POLE2: variants seen among roughly 807,000 people sequenced by gnomAD.
The protein encoded by POLE2 is DNA polymerase epsilon subunit 2.
Under a neutral mutation model 79.4 loss-of-function variants are expected in POLE2, and 56 were observed. That is an observed-to-expected ratio of 0.71 (90% CI 0.57 to 0.88). The LOEUF (loss-of-function observed/expected upper bound fraction) is 0.88, where lower values mean the gene tolerates loss of function less well. Among genes scored for constraint, POLE2 ranks in the 40% least tolerant of loss-of-function variants. POLE2 has a pLI of 0.00. For missense variants in POLE2, 598 were observed against 638.9 expected, an observed-to-expected ratio of 0.94 and a Z score of 0.69; for synonymous variants, 212 against 214.0, an observed-to-expected ratio of 0.99 and a Z score of 0.08.
At chr14:49,650,210 A>T (rs749362064) in intron 17 of POLE2, 55 bp downstream of exon 17, 1 of 916,512 alleles carries the variant, frequency 1.1e-6, no homozygotes, top group South Asian at 3.0e-5. Flanking sequence ...TTAAATTAAA[A>T]AATGCACTCT....
intron 6 of POLE2, among the ~76,000 whole-genome samples, chr14:49,668,969 G>T (rs1885683922): frequency 1.3e-5 from 2 of 152,156 alleles, no homozygotes; most frequent in South Asian, 4.2e-4. Flanking sequence ...CCTGGCTAAT[G>T]TTTTTTATTG....
intron 2 of POLE2, among the ~76,000 whole-genome samples, chr14:49,680,055 A>G: frequency 6.6e-6 from 1 of 152,238 alleles, no homozygotes; most frequent in Non-Finnish European, 1.5e-5. Flanking sequence ...GTTTAGTTAT[A>G]AGAACATTTC....
chr14:49,675,740 A>T (rs190029390), intron 3 of POLE2, among the ~76,000 whole-genome samples: 1 of 142,422 alleles, frequency 7.0e-6, no homozygotes, highest in African/African-American at 2.6e-5. Context: ...CAATTTTAAA[A>T]ATCTAAAATG....
At chr14:49,670,865 A>G (rs1446571199) in intron 5 of POLE2, among the ~76,000 whole-genome samples, 1 of 152,226 alleles carries the variant, frequency 6.6e-6, no homozygotes, top group Non-Finnish European at 1.5e-5. Context: ...AGACTTCATA[A>G]TACAAGCTAA....
At position 49,650,371 on chromosome 14, in the gene POLE2, G is replaced by T; in HGVS notation, c.1391C>A (p.Ala464Glu). The T allele has an allele frequency of 6.2e-7, 1 of 1,605,966 alleles. No individual in the cohort carries two copies. The highest frequency in any genetic ancestry group is 1.3e-5 in the African/African-American group (1 of 74,790). ...LPLYVCPVYW[A>E]YDYALRVYPV... is the part of the protein sequence containing the mutation. ...ATACACTCTCAAAGCATAGTCATATGCCCAATACACTGGGCAGACATAAAG... is the reference window on the plus strand; with the variant it reads ...ATACACTCTCAAAGCATAGTCATATTCCCAATACACTGGGCAGACATAAAG... Residue 464 changes from alanine to glutamate, a missense_variant, in exon 17 of 19, where the codon GCA (alanine) becomes GAA (glutamate). Coordinates refer to ENST00000216367, the MANE Select transcript of POLE2 (RefSeq NM_002692.4).
At chr14:49,656,656 C>G (rs897396622) in intron 10 of POLE2, among the ~76,000 whole-genome samples, 1 of 152,168 alleles carries the variant, frequency 6.6e-6, no homozygotes, top group African/African-American at 2.4e-5. Context: ...AATCTACACA[C>G]TCCCAGCCTC....
At chr14:49,659,905 T>C (rs1457718264) in intron 10 of POLE2, among the ~76,000 whole-genome samples, 1 of 152,144 alleles carries the variant, frequency 6.6e-6, no homozygotes, top group Non-Finnish European at 1.5e-5. Flanking sequence ...AATTTCTTAC[T>C]GAAGAAAGAA....
At chr14:49,657,429 CTTTTT>C (rs918363691) in intron 10 of POLE2, among the ~76,000 whole-genome samples, 4 of 143,256 alleles carry the variant, frequency 2.8e-5, no homozygotes, top group African/African-American at 1.0e-4. Flanking sequence ...TAGTTGATTC[CTTTTT>C]TTTTTTTTTC....
intron 1 of POLE2, among the ~76,000 whole-genome samples, chr14:49,685,857 G>A (rs555332888): frequency 2.9e-4 from 44 of 151,558 alleles, no homozygotes; most frequent in Non-Finnish European, 5.4e-4. Context: ...TCGAATTCCT[G>A]ACCTCGTGAT....
At chr14:49,658,973 A>G (rs1884910561) in intron 10 of POLE2, among the ~76,000 whole-genome samples, 2 of 152,130 alleles carry the variant, frequency 1.3e-5, no homozygotes, top group African/African-American at 4.8e-5. Context: ...GTTACTACAG[A>G]TGGCAGCTCC....
chr14:49,682,360 A>C (rs893782104), intron 2 of POLE2, among the ~76,000 whole-genome samples: 2 of 150,522 alleles, frequency 1.3e-5, no homozygotes, highest in Non-Finnish European at 3.0e-5. Context: ...TATTTTCACC[A>C]GGTACAATGG....
At position 49,670,317 on chromosome 14, in the gene POLE2, CAAAAAAAAAA is replaced by C. The variant is rs61383006; in HGVS notation, c.418-729_418-720del. The stretch of plus-strand genomic sequence containing the variant: ...GGCAACAAGAGCGAAACTGTGTCTC[CAAAAAAAAAA>C]AAAAAAAAAAAAAAAAAGACATTTC... On this transcript the variant is annotated intron_variant, in intron 5 of 18. Transcript: ENST00000216367. Among the ~76,000 whole-genome samples, 265 of 59,106 alleles carry C rather than the reference CAAAAAAAAAA, an allele frequency of 4.5e-3. 2 individuals carry two copies. The Middle Eastern group carries it at 0.045, about 10-fold the overall frequency. The allele number at this position is 59,106 out of a possible 152,430, so 38.8% of individuals were successfully genotyped here.
intron 3 of POLE2, among the ~76,000 whole-genome samples, chr14:49,675,347 G>A (rs1368467830): frequency 6.6e-6 from 1 of 151,802 alleles, no homozygotes; most frequent in African/African-American, 2.4e-5. Flanking sequence ...GCCTCCCAAA[G>A]TGCAGGGATT....
Position 49,673,789 on chromosome 14 carries a change from G to A in POLE2, c.417+334C>T, listed in dbSNP as rs558520224. Among the ~76,000 whole-genome samples, 5 of 152,208 alleles carry A rather than the reference G, an allele frequency of 3.3e-5. No homozygotes were observed. In the South Asian group the frequency reaches 6.2e-4, roughly 19 times the overall value. On this transcript the variant is annotated intron_variant, in intron 5 of 18. Transcript: ENST00000216367. ...TCTTTAAGCCTCAGTTTCCTGATCCGTAAAATGGGAATAATAGCATTTACA... is the reference window on the plus strand; with the variant it reads ...TCTTTAAGCCTCAGTTTCCTGATCCATAAAATGGGAATAATAGCATTTACA...
chr14:49,664,952 T>C (rs1885371823), intron 8 of POLE2, 155 bp downstream of exon 8: 1 of 627,780 alleles, frequency 1.6e-6, no homozygotes, highest in African/African-American at 1.9e-5. Flanking sequence ...AAAGTTGTTC[T>C]GTCCCTGTTT....
At chr14:49,672,501 CT>C (rs34239544) in intron 5 of POLE2, among the ~76,000 whole-genome samples, 26,730 of 141,796 alleles carry the variant, frequency 0.19, 2,388 homozygotes, top group African/African-American at 0.23. Flanking sequence ...CCTCTCCCCT[CT>C]TTTTTTTTTT....
intron 2 of POLE2, 120 bp downstream of exon 2, chr14:49,683,473 C>T: frequency 1.8e-6 from 1 of 549,942 alleles, no homozygotes; most frequent in Middle Eastern, 4.8e-4. Flanking sequence ...ACCATGCATA[C>T]ATCTTATAAC....
Position 49,688,128 on chromosome 14 carries a change from C to A in POLE2, c.68+8G>T. 1 of 1,551,520 alleles carries A rather than the reference C, an allele frequency of 6.4e-7. No individual in the cohort carries two copies. Among genetic ancestry groups the A allele is most frequent in the South Asian group, 1.2e-5 (1 of 85,204 alleles). On this transcript the variant is annotated splice_region_variant and intron_variant, in intron 1 of 18. Coordinates refer to ENST00000216367, the MANE Select transcript of POLE2 (RefSeq NM_002692.4). Reference sequence around the variant, plus strand: ...CTCTCGCCCTTCAAGCTGCCCGAGCCCACTCACCCACGGAGCAGCAAGCCC... The same window carrying A: ...CTCTCGCCCTTCAAGCTGCCCGAGCACACTCACCCACGGAGCAGCAAGCCC...
intron 18 of POLE2, 112 bp from the exon 19 acceptor site, chr14:49,643,782 A>G: frequency 1.8e-6 from 1 of 542,600 alleles, no homozygotes; most frequent in Non-Finnish European, 3.3e-6. Context: ...AAAACAGGTC[A>G]ATACATACAT....
Sources: gnomAD v4.1 joint callset for allele counts (sites outside exome capture counted in the v4.1 genomes callset) on GRCh38, gnomAD v4.1.1 for gene constraint, MANE v1.5 for transcripts, NCBI Gene and HGNC (gene_info 2026-07-23, HGNC 2026-07-21) for gene names.